Variants in LHFPL4 observed in about 807,000 individuals in gnomAD.
The protein encoded by LHFPL4 is LHFPL tetraspan subfamily member 4 protein.
LHFPL4 carries 6 observed loss-of-function variants against 20.0 expected under a neutral mutation model. The ratio of observed to expected loss-of-function variants is 0.30; its 90% CI spans 0.16 to 0.59. The LOEUF (loss-of-function observed/expected upper bound fraction) is 0.59, where lower values mean the gene tolerates loss of function less well. LHFPL4 is among the 20% of genes least tolerant of loss of function. LHFPL4 has a pLI of 0.88. For missense variants in LHFPL4, 215 were observed against 331.2 expected (o/e 0.65, Z 2.72); for synonymous variants, 129 against 143.8 (o/e 0.90, Z 0.74).
At chr3:9,502,389 G>C in intron 3 of LHFPL4, 78 bp from the exon 4 acceptor site, 1 of 1,097,242 alleles carries the variant, frequency 9.1e-7, no homozygotes, top group Non-Finnish European at 1.4e-6. Context: ...GGCTTTCCTT[G>C]CACATTCCCC....
At chr3:9,502,340 G>A (rs2046183164) in intron 3 of LHFPL4, 29 bp from the exon 4 acceptor site, 2 of 1,447,902 alleles carry the variant, frequency 1.4e-6, no homozygotes, top group East Asian at 2.3e-5. Flanking sequence ...GAGAGAAGGA[G>A]AGAGAATTAG....
intron 2 of LHFPL4, among the ~76,000 whole-genome samples, chr3:9,542,704 G>A (rs2046484954): frequency 6.6e-6 from 1 of 151,616 alleles, no homozygotes; most frequent in South Asian, 2.1e-4. Context: ...AGCTACTTGG[G>A]AGGCTGAGAT....
chr3:9,507,708 G>A (rs751639465), intron 2 of LHFPL4, among the ~76,000 whole-genome samples: 30 of 152,156 alleles, frequency 2.0e-4, no homozygotes, highest in Admixed American at 5.2e-4. Flanking sequence ...CCCAATCCCC[G>A]CCCAGGTGGG....
intron 2 of LHFPL4, among the ~76,000 whole-genome samples, chr3:9,530,559 CT>C (rs1265464958): frequency 6.6e-6 from 1 of 152,144 alleles, no homozygotes; most frequent in Non-Finnish European, 1.5e-5. Context: ...ACTGCTAAAG[CT>C]TTCTCCATAT....
rs1427726059 is a variant in LHFPL4, at chr3:9,502,099, A to G, written c.*112T>C. The G allele has an allele frequency of 3.0e-5, 23 of 774,366 alleles. No individual in the cohort carries two copies. The highest frequency in any genetic ancestry group is 4.9e-5 in the Non-Finnish European group (22 of 446,680). 48.0% of individuals were successfully genotyped at this position (774,366 alleles called of 1,614,324 possible). ...CCTGGAGCTTGCAGGGTAGTCGGTGAGAAGTAAGTCTGAGATCAGGGTCTT... is the reference window on the plus strand; with the variant it reads ...CCTGGAGCTTGCAGGGTAGTCGGTGGGAAGTAAGTCTGAGATCAGGGTCTT... On this transcript the variant is annotated 3_prime_UTR_variant, in exon 4 of 4. Transcript: ENST00000287585.
At chr3:9,504,381 G>GA (rs59021970) in intron 3 of LHFPL4, among the ~76,000 whole-genome samples, 41,330 of 138,904 alleles carry the variant, frequency 0.3, 7,872 homozygotes, top group African/African-American at 0.54. Context: ...CTGTCTCAAG[G>GA]AAAAAAAAAA....
At chr3:9,526,008 G>A (rs189942226) in intron 2 of LHFPL4, among the ~76,000 whole-genome samples, 3 of 152,220 alleles carry the variant, frequency 2.0e-5, no homozygotes, top group Non-Finnish European at 2.9e-5. Flanking sequence ...AAAAAGTAGG[G>A]GATGGTATAT....
chr3:9,518,006 T>A (rs145389382), intron 2 of LHFPL4, among the ~76,000 whole-genome samples: 2 of 152,260 alleles, frequency 1.3e-5, no homozygotes, highest in African/African-American at 4.8e-5. Flanking sequence ...TTGATCTTAG[T>A]GGGAAAACAT....
chr3:9,524,032 G>C (rs2046358431), intron 2 of LHFPL4, among the ~76,000 whole-genome samples: 1 of 137,260 alleles, frequency 7.3e-6, no homozygotes, highest in African/African-American at 2.8e-5. Context: ...CTTCTTGCTT[G>C]CACAGTTTTT....
intron 2 of LHFPL4, among the ~76,000 whole-genome samples, chr3:9,514,924 T>C (rs1247651234): frequency 6.6e-6 from 1 of 152,256 alleles, no homozygotes; most frequent in African/African-American, 2.4e-5. Flanking sequence ...TCTTGTTTGC[T>C]TCCAAATTTT....
intron 3 of LHFPL4, among the ~76,000 whole-genome samples, 177 bp from the exon 4 acceptor site, chr3:9,502,488 G>A (rs969822779): frequency 2.0e-5 from 3 of 151,976 alleles, no homozygotes; most frequent in Non-Finnish European, 2.9e-5. Context: ...GATCACTTGA[G>A]GTCAGGAGTT....
chr3:9,538,839 C>G (rs2046459526), intron 2 of LHFPL4, among the ~76,000 whole-genome samples: 1 of 152,074 alleles, frequency 6.6e-6, no homozygotes, highest in African/African-American at 2.4e-5. Context: ...GCTGGGATTA[C>G]AGGCATGCAC....
intron 2 of LHFPL4, among the ~76,000 whole-genome samples, chr3:9,523,216 T>C (rs1341950074): frequency 6.7e-6 from 1 of 148,232 alleles, no homozygotes; most frequent in African/African-American, 2.5e-5. Flanking sequence ...CAAGAGTCTC[T>C]ACTAAAAATA....
In LHFPL4 at chr3:9,498,759, C is replaced by G. The variant is rs1006675651; in HGVS notation, c.*3452G>C. 6.6e-6 allele frequency: 1 copy of G among 152,638 alleles called. No individual in the cohort carries two copies. The highest frequency in any genetic ancestry group is 6.5e-5 in the Admixed American group (1 of 15,282). 9.5% of individuals were successfully genotyped at this position (152,638 alleles called of 1,614,324 possible). A position where few individuals can be genotyped will look rare whatever the true frequency, so the allele number is the denominator to read the frequency against. Reference sequence around the variant, plus strand: ...TGGAAGCTGGAGAAAGGTTATTCCCCGTGTGCCCAAGCAGGATGCTCAAAA... The same window carrying G: ...TGGAAGCTGGAGAAAGGTTATTCCCGGTGTGCCCAAGCAGGATGCTCAAAA... On this transcript the variant is annotated 3_prime_UTR_variant, in exon 4 of 4. Coordinates refer to ENST00000287585, the MANE Select transcript of LHFPL4 (RefSeq NM_198560.3).
At chr3:9,511,993 C>A (rs112691105) in intron 2 of LHFPL4, among the ~76,000 whole-genome samples, 1 of 151,336 alleles carries the variant, frequency 6.6e-6, no homozygotes, top group Non-Finnish European at 1.5e-5. Context: ...AGTGCAGTGG[C>A]GCAATCTCGG....
At chr3:9,505,925 G>C in intron 3 of LHFPL4, 42 bp downstream of exon 3, 2 of 1,557,386 alleles carry the variant, frequency 1.3e-6, no homozygotes, top group Non-Finnish European at 1.8e-6. Flanking sequence ...CCAGGACCAG[G>C]CCTGGCTCCC....
intron 2 of LHFPL4, among the ~76,000 whole-genome samples, chr3:9,515,704 C>T (rs1472244753): frequency 6.6e-6 from 1 of 150,826 alleles, no homozygotes; most frequent in Non-Finnish European, 1.5e-5. Flanking sequence ...AGATAACAGT[C>T]CTTTATCAGA....
Position 9,500,213 on chromosome 3 carries a change from C to G in LHFPL4, c.*1998G>C, listed in dbSNP as rs764518064. On this transcript the variant is annotated 3_prime_UTR_variant, in exon 4 of 4. Coordinates refer to ENST00000287585, the MANE Select transcript of LHFPL4 (RefSeq NM_198560.3). ...TCACTCTCTCCTAACTCTGCTCTCCCCCTCCAACGCTGGGCTTGGTTTGCA... is the reference window on the plus strand; with the variant it reads ...TCACTCTCTCCTAACTCTGCTCTCCGCCTCCAACGCTGGGCTTGGTTTGCA... The G allele has an allele frequency of 2.6e-5, 4 of 152,538 alleles. No individual in the cohort carries two copies. Among genetic ancestry groups the G allele is most frequent in the African/African-American group, 9.7e-5 (4 of 41,446 alleles). 9.4% of individuals were successfully genotyped at this position (152,538 alleles called of 1,614,324 possible).
intron 2 of LHFPL4, among the ~76,000 whole-genome samples, chr3:9,545,610 T>C (rs184712340): frequency 6.6e-6 from 1 of 151,892 alleles, no homozygotes; most frequent in African/African-American, 2.4e-5. Flanking sequence ...TACTAAAAAA[T>C]ACAAAAATTA....
Sources: gnomAD v4.1 joint callset for allele counts (sites outside exome capture counted in the v4.1 genomes callset) on GRCh38, gnomAD v4.1.1 for gene constraint, MANE v1.5 for transcripts, NCBI Gene and HGNC (gene_info 2026-07-23, HGNC 2026-07-21) for gene names.